The following ATP6V1C1 variants were observed in gnomAD, a reference collection of about 807,000 sequenced individuals.
ATP6V1C1 encodes the protein V-type proton ATPase subunit C 1.
Under a neutral mutation model 53.9 loss-of-function variants are expected in ATP6V1C1, and 45 were observed. The observed-to-expected ratio is 0.83, with a 90% CI of 0.66 to 1.07. The LOEUF is 1.07. ATP6V1C1 is among the 50% of genes least tolerant of loss of function. ATP6V1C1 has a pLI of 0.00. For synonymous variants in ATP6V1C1, 153 were observed against 155.2 expected, an observed-to-expected ratio of 0.99 and a Z score of 0.11; for missense variants, 315 against 440.3, an observed-to-expected ratio of 0.72 and a Z score of 2.55.
At chr8:103,032,154 TTG>T (rs142210961) in intron 1 of ATP6V1C1, among the ~76,000 whole-genome samples, 5,671 of 152,134 alleles carry the variant, frequency 0.037, 359 homozygotes, top group African/African-American at 0.13. Flanking sequence ...CACAAGGAAA[TTG>T]TGTCAAGATC....
In ATP6V1C1 at chr8:103,072,892, A is replaced by T. The variant is rs1472432685; in HGVS notation, c.*4145A>T. On this transcript the variant is annotated 3_prime_UTR_variant, in exon 13 of 13. Coordinates refer to ENST00000518738, the MANE Select transcript of ATP6V1C1 (RefSeq NM_001695.5). Reference sequence around the variant, plus strand: ...AACATCCTTCATACCAGGAATGGTCAAGATAATGCAAGAAGAAAAAAGCTT... The same window carrying T: ...AACATCCTTCATACCAGGAATGGTCTAGATAATGCAAGAAGAAAAAAGCTT... 3 of 152,266 alleles carry T rather than the reference A, an allele frequency of 2.0e-5. No individual in the cohort carries two copies. The highest frequency in any genetic ancestry group is 4.4e-5 in the Non-Finnish European group (3 of 68,046). 9.4% of individuals were successfully genotyped at this position (152,266 alleles called of 1,614,324 possible). A position where few individuals can be genotyped will look rare whatever the true frequency, so the allele number is the denominator to read the frequency against.
intron 1 of ATP6V1C1, among the ~76,000 whole-genome samples, chr8:103,035,591 G>C (rs1816880486): frequency 6.6e-6 from 1 of 152,150 alleles, no homozygotes; most frequent in African/African-American, 2.4e-5. Flanking sequence ...TGGGAGGTAG[G>C]ATGGGGTGGG....
intron 7 of ATP6V1C1, among the ~76,000 whole-genome samples, chr8:103,054,704 G>T (rs1399283927): frequency 6.6e-6 from 1 of 152,080 alleles, no homozygotes; most frequent in Non-Finnish European, 1.5e-5. Flanking sequence ...CTTGTAGGAA[G>T]ACCTGGACTT....
chr8:103,056,018 T>TAA, intron 8 of ATP6V1C1, 82 bp downstream of exon 8: 1 of 1,362,926 alleles, frequency 7.3e-7, no homozygotes, highest in Non-Finnish European at 1.0e-6. Context: ...ATATGTTTGC[T>TAA]GTCTTGCCTT....
rs368544509 is a variant in ATP6V1C1 at position 103,040,884 on chromosome 8, G to T, written c.48G>T (p.Gln16His). 3.3e-5 allele frequency: 53 copies of T among 1,613,952 alleles called. No individual in the cohort carries two copies. Among genetic ancestry groups the T allele is most frequent in the Non-Finnish European group, 4.5e-5 (53 of 1,179,958 alleles). The change falls in exon 2 of 13, where the codon CAG becomes CAT. Residue 16 changes from glutamine to histidine, a missense_variant. Coordinates refer to ENST00000518738, the MANE Select transcript of ATP6V1C1 (RefSeq NM_001695.5). ...CTGCTCCTGGGGAGAAAACCTGTCA[G>T]CAAACATGGGAGAAATTGCATGCGG... ...LISAPGEKTCQQTWEKLHAAT... is the reference protein window; with the variant it reads ...LISAPGEKTCHQTWEKLHAAT...
chr8:103,046,770 G>C (rs940951853), intron 3 of ATP6V1C1, among the ~76,000 whole-genome samples: 3 of 152,060 alleles, frequency 2.0e-5, no homozygotes, highest in African/African-American at 7.2e-5. Flanking sequence ...TGTAGAATAT[G>C]GTATATGTGG....
At chr8:103,065,230 T>C (rs977084186) in intron 11 of ATP6V1C1, among the ~76,000 whole-genome samples, 2 of 152,230 alleles carry the variant, frequency 1.3e-5, no homozygotes, top group Admixed American at 6.5e-5. Context: ...TGGTCCAATG[T>C]ATGGGTTGCT....
intron 8 of ATP6V1C1, among the ~76,000 whole-genome samples, chr8:103,061,916 T>C (rs1817405499): frequency 1.3e-5 from 2 of 152,162 alleles, no homozygotes; most frequent in Non-Finnish European, 2.9e-5. Flanking sequence ...ATTTGGACCA[T>C]ACTATCACAA....
intron 1 of ATP6V1C1, among the ~76,000 whole-genome samples, chr8:103,031,691 A>G (rs1436703383): frequency 6.6e-6 from 1 of 152,166 alleles, no homozygotes; most frequent in Non-Finnish European, 1.5e-5. Flanking sequence ...TCAACATGAG[A>G]TCTGGGGAGG....
intron 12 of ATP6V1C1, 52 bp from the exon 13 acceptor site, chr8:103,068,600 T>C: frequency 7.1e-7 from 1 of 1,414,664 alleles, no homozygotes; most frequent in Non-Finnish European, 9.7e-7. Flanking sequence ...CTTGCTTTCT[T>C]TTTTTGAGTT....
intron 3 of ATP6V1C1, among the ~76,000 whole-genome samples, chr8:103,048,467 G>A (rs1282056523): frequency 6.6e-6 from 1 of 152,206 alleles, no homozygotes; most frequent in Non-Finnish European, 1.5e-5. Context: ...CTAAGGGAAA[G>A]CACAGTGTCT....
chr8:103,061,176 T>C (rs2131402089), intron 8 of ATP6V1C1, among the ~76,000 whole-genome samples: 1 of 152,254 alleles, frequency 6.6e-6, no homozygotes, highest in African/African-American at 2.4e-5. Flanking sequence ...GAATTAAGGG[T>C]AATCATTTTG....
chr8:103,056,435 A>G (rs1408809234), intron 8 of ATP6V1C1, among the ~76,000 whole-genome samples: 1 of 152,228 alleles, frequency 6.6e-6, no homozygotes, highest in Non-Finnish European at 1.5e-5. Flanking sequence ...TTTAAAAAAC[A>G]AACCTGTTTT....
At chr8:103,062,391 A>G (rs1390973987) in intron 8 of ATP6V1C1, among the ~76,000 whole-genome samples, 1 of 151,828 alleles carries the variant, frequency 6.6e-6, no homozygotes, top group Non-Finnish European at 1.5e-5. Flanking sequence ...GGCTGGTCTC[A>G]AAGTCCTGAA....
At chr8:103,062,327 C>T (rs1447840251) in intron 8 of ATP6V1C1, among the ~76,000 whole-genome samples, 4 of 151,830 alleles carry the variant, frequency 2.6e-5, no homozygotes, top group Non-Finnish European at 4.4e-5. Flanking sequence ...TGCACCATCA[C>T]GCCTGGCTAG....
chr8:103,052,950 T>TA (rs948050407), intron 6 of ATP6V1C1, 128 bp downstream of exon 6: 4 of 527,246 alleles, frequency 7.6e-6, no homozygotes, highest in Non-Finnish European at 1.2e-5. Context: ...GTATTTCTTT[T>TA]ACTTCATGGA....
At chr8:103,043,983 G>A (rs1245625769) in intron 3 of ATP6V1C1, among the ~76,000 whole-genome samples, 12 of 152,100 alleles carry the variant, frequency 7.9e-5, no homozygotes, top group Non-Finnish European at 2.9e-5. Context: ...CCGCCTCCTG[G>A]GTTCAAATGA....
At position 103,068,770 on chromosome 8, in the gene ATP6V1C1, T is replaced by C; in HGVS notation, c.*23T>C. The C allele has an allele frequency of 1.9e-6, 3 of 1,583,292 alleles. No individual in the cohort carries two copies. Among genetic ancestry groups the C allele is most frequent in the Non-Finnish European group, 2.6e-6 (3 of 1,156,112 alleles). On this transcript the variant is annotated 3_prime_UTR_variant, in exon 13 of 13. Transcript: ENST00000518738. ...TGAAAATGGGCTCCTCCCCCGACAA[T>C]CCTGTCCTTGTGTTTGTGTGTGCTA...
At position 103,041,620 on chromosome 8, in the gene ATP6V1C1, C is replaced by G. The variant is rs144802266; in HGVS notation, c.132+652C>G. Among the ~76,000 whole-genome samples the G allele has an allele frequency of 3.2e-4, 49 of 152,238 alleles. 2 individuals are homozygous for G. The East Asian group carries it at 8.7e-3, about 27-fold the overall frequency. On this transcript the variant is annotated intron_variant, in intron 2 of 12. Coordinates refer to ENST00000518738, the MANE Select transcript of ATP6V1C1 (RefSeq NM_001695.5). ...GGCATCATGGCTCACACCTGTAAACCTAGCACTTTGGGAGGCTGAGGTGGG... is the reference window on the plus strand; with the variant it reads ...GGCATCATGGCTCACACCTGTAAACGTAGCACTTTGGGAGGCTGAGGTGGG...
Sources: allele counts gnomAD v4.1 joint callset (sites outside exome capture counted in the v4.1 genomes callset), GRCh38; gene constraint gnomAD v4.1.1; transcripts MANE v1.5; gene names NCBI Gene and HGNC (gene_info 2026-07-23, HGNC 2026-07-21).